The following KAT5 variants were observed in gnomAD, a reference collection of about 807,000 sequenced individuals.
KAT5 encodes the protein histone acetyltransferase KAT5.
A neutral mutation model predicts 68.1 loss-of-function variants in KAT5; 31 were observed. The ratio of observed to expected loss-of-function variants is 0.46; its 90% CI spans 0.34 to 0.61. KAT5 has a LOEUF of 0.61. Ranked by LOEUF, KAT5 falls within the 20% of genes least tolerant of loss-of-function variation. The pLI is 0.01. For synonymous variants in KAT5, 365 were observed against 292.6 expected, an observed-to-expected ratio of 1.25 and a Z score of -2.52; for missense variants, 451 against 725.5, an observed-to-expected ratio of 0.62 and a Z score of 4.35.
At chr11:65,712,530 T>C in intron 1 of KAT5, 85 bp downstream of exon 1, 1 of 1,453,876 alleles carries the variant, frequency 6.9e-7, no homozygotes, top group Non-Finnish European at 9.3e-7. Flanking sequence ...GAGGGGCGTC[T>C]GGAATTATGG....
Position 65,713,404 on chromosome 11 carries a change from C to T in KAT5, c.441C>T (p.Leu147=), listed in dbSNP as rs1364010647. Residue 147 remains leucine (L), a synonymous_variant, in exon 4 of 13, where the codon CTC becomes CTT. Coordinates refer to ENST00000341318, the MANE Select transcript of KAT5 (RefSeq NM_182710.3). ...TGCCAATCCCGGTCCAGATCACACT[C>T]CGCTTCAACCTGCCCAAGGAGCGGG... is the stretch of plus-strand genomic sequence containing the variant. ...KTLPIPVQIT[L]RFNLPKEREA... is the part of the protein sequence containing the mutation. 5 of 1,614,134 alleles carry T rather than the reference C, an allele frequency of 3.1e-6. No homozygotes were observed. Among genetic ancestry groups the T allele is most frequent in the Non-Finnish European group, 4.2e-6 (5 of 1,180,028 alleles).
At chr11:65,715,650 A>C (rs1857165769) in intron 8 of KAT5, among the ~76,000 whole-genome samples, 1 of 151,988 alleles carries the variant, frequency 6.6e-6, no homozygotes. Flanking sequence ...AATCCCAGCT[A>C]CTCGGGAGGC....
In KAT5 at chr11:65,713,444, G is replaced by T. The variant is rs1565206945; in HGVS notation, c.481G>T (p.Gly161Cys). The change falls in exon 4 of 13, where the codon GGC (glycine) becomes TGC (cysteine). Residue 161 changes from glycine (G) to cysteine (C), a missense_variant. By Grantham distance (159) the Gly-to-Cys change is radical (BLOSUM62 -3). Transcript: ENST00000341318. ...LPKEREAIPG[G>C]EPDQPLSSSS... ...CAAGGAGCGGGAGGCCATTCCCGGT[G>T]GCGAGCCTGACCAGCCGCTCTCCTC... 6.2e-7 allele frequency: 1 copy of T among 1,614,014 alleles called. No individual in the cohort carries two copies. The highest frequency in any genetic ancestry group is 8.5e-7 in the Non-Finnish European group (1 of 1,180,024).
In KAT5 at chr11:65,718,921, T is replaced by A. The variant is rs886048491; in HGVS notation, c.1473T>A (p.Thr491=). The change falls in exon 12 of 13, where the codon ACT becomes ACA. Residue 491 remains threonine, a synonymous_variant. Transcript: ENST00000341318. ...TSIKKEDVIS[T]LQYLNLINYY... ...TCAAGAAGGAGGATGTCATCTCCAC[T>A]CTGCAGTACCTCAATCTCATCAACT... is the stretch of plus-strand genomic sequence containing the variant. 1 of 1,614,156 alleles carries A rather than the reference T, an allele frequency of 6.2e-7. No individual in the cohort carries two copies.
chr11:65,719,478 G>T lies in KAT5; in HGVS notation c.*297G>T. 3.3e-6 allele frequency: 2 copies of T among 608,736 alleles called. No individual in the cohort carries two copies. The highest frequency in any genetic ancestry group is 2.0e-5 in the South Asian group (1 of 49,672). 37.7% of individuals were successfully genotyped at this position (608,736 alleles called of 1,614,324 possible). A position where few individuals can be genotyped will look rare whatever the true frequency, so the allele number is the denominator to read the frequency against. On this transcript the variant is annotated 3_prime_UTR_variant, in exon 13 of 13. Coordinates refer to ENST00000341318, the MANE Select transcript of KAT5 (RefSeq NM_182710.3). ...GATCCGGATGGGGGAGCTCTGTACAGAGGGCTGGTGATTGTAAAAATTTCT... is the reference window on the plus strand; with the variant it reads ...GATCCGGATGGGGGAGCTCTGTACATAGGGCTGGTGATTGTAAAAATTTCT...
At chr11:65,712,581 C>G (rs767550971) in intron 1 of KAT5, 136 bp downstream of exon 1, 5 of 1,240,524 alleles carry the variant, frequency 4.0e-6, no homozygotes, top group Admixed American at 2.5e-5. Context: ...GGGCGTGGCT[C>G]TTAGCTGCTC....
At chr11:65,718,419 A>G (rs1857279889) in intron 10 of KAT5, 171 bp from the exon 11 acceptor site, 2 of 683,024 alleles carry the variant, frequency 2.9e-6, no homozygotes, top group Non-Finnish European at 5.1e-6. Context: ...AAGAGTGAAT[A>G]CTCAGTTCTT....
intron 5 of KAT5, 35 bp from the exon 6 acceptor site, chr11:65,713,739 C>T (rs767640030): frequency 2.5e-6 from 4 of 1,613,520 alleles, no homozygotes; most frequent in East Asian, 2.2e-5. Context: ...AGGCTCATTT[C>T]ACAGCCATCC....
At chr11:65,716,192 G>A (rs1203934690) in intron 8 of KAT5, 4 of 164,236 alleles carry the variant, frequency 2.4e-5, no homozygotes, top group African/African-American at 9.6e-5. Context: ...TTCCCAGGAG[G>A]TGTGACTGTG....
rs1464589442 is a variant in KAT5 at position 65,719,232 on chromosome 11, A to G, written c.*51A>G. 6 of 1,595,918 alleles carry G rather than the reference A, an allele frequency of 3.8e-6. No individual in the cohort carries two copies. In the Admixed American group the frequency reaches 1.0e-4, roughly 27 times the overall value. ...AGACGGCAGCAGGACTGGGGCTGAT[A>G]GCCCACCCCGCCCCCACTGCAGCTC... On this transcript the variant is annotated 3_prime_UTR_variant, in exon 13 of 13. Transcript: ENST00000341318.
At chr11:65,718,820 C>T (rs1857297008) in intron 11 of KAT5, 53 bp from the exon 12 acceptor site, 2 of 1,612,678 alleles carry the variant, frequency 1.2e-6, no homozygotes, top group South Asian at 1.1e-5. Flanking sequence ...TCTCTCAGGG[C>T]TCCTGGGGAC....
Position 65,716,975 on chromosome 11 carries a change from C to T in KAT5, c.1257C>T (p.Ile419=), listed in dbSNP as rs757551764. 9.9e-6 allele frequency: 16 copies of T among 1,612,986 alleles called. No individual in the cohort carries two copies. The highest frequency in any genetic ancestry group is 6.6e-5 in the South Asian group (6 of 91,062). Residue 419 remains isoleucine (I), a synonymous_variant, in exon 10 of 13, where the codon ATC becomes ATT. Coordinates refer to ENST00000341318, the MANE Select transcript of KAT5 (RefSeq NM_182710.3). ...YQRRGYGKLL[I]EFSYELSKVE... ...GCCGGGGCTACGGCAAGCTGCTGAT[C>T]GAGTTCAGTGAGTATGTGTGCTGCG...
chr11:65,712,976 T>A lies in KAT5; in HGVS notation c.302T>A (p.Ile101Asn), dbSNP rs1160111465. ...CATGAGCGGCTGGACCTAAAGAAGA[T>A]CCAGTTCCCCAAGAAAGAGGCCAAG... ...VTHERLDLKK[I>N]QFPKKEAKTP... The change falls in exon 3 of 13, where the codon ATC (isoleucine) becomes AAC (asparagine). Residue 101 changes from isoleucine (I) to asparagine (N), a missense_variant. Around this residue, in one of 4 missense-constraint regions of KAT5, gnomAD observed 135 missense variants for 173.4 expected, o/e 0.78. Transcript: ENST00000341318. 6.2e-7 allele frequency: 1 copy of A among 1,614,052 alleles called. No individual in the cohort carries two copies. Among genetic ancestry groups the A allele is most frequent in the Admixed American group, 1.7e-5 (1 of 60,024 alleles).
intron 11 of KAT5, 55 bp downstream of exon 11, chr11:65,718,804 G>A: frequency 1.2e-6 from 2 of 1,613,930 alleles, no homozygotes; most frequent in Non-Finnish European, 1.7e-6. Context: ...CTGTTCCTGG[G>A]CTTTCTCTCT....
chr11:65,712,604 G>T, intron 1 of KAT5, 159 bp downstream of exon 1: 1 of 1,212,864 alleles, frequency 8.2e-7, no homozygotes, highest in Non-Finnish European at 1.2e-6. Context: ...AGAGGTACAG[G>T]GCGGGGCCTG....
chr11:65,717,065 C>T (rs1857221017), intron 10 of KAT5, 83 bp downstream of exon 10: 5 of 1,106,612 alleles, frequency 4.5e-6, no homozygotes, highest in Middle Eastern at 4.0e-4. Flanking sequence ...CTGTGATTCT[C>T]AACCCTGGCT....
Position 65,712,381 on chromosome 11 carries a change from G to A in KAT5, c.114G>A (p.Gly38=), listed in dbSNP as rs1458211514. 4.4e-6 allele frequency: 7 copies of A among 1,581,028 alleles called. No individual in the cohort carries two copies. The highest frequency in any genetic ancestry group is 6.0e-6 in the Non-Finnish European group (7 of 1,170,948). ...ADPGVALSPQ[G]EIIEGCRLPV... ...CTGGCGTCGCGCTGTCTCCCCAGGG[G>A]GAGATAATCGAGGGCTGCCGCCTAC... Residue 38 remains glycine (G), a synonymous_variant, in exon 1 of 13, where the codon GGG becomes GGA. Transcript: ENST00000341318.
At chr11:65,713,718 T>G (rs762018553) in intron 5 of KAT5, 51 bp downstream of exon 5, 6 of 1,613,636 alleles carry the variant, frequency 3.7e-6, no homozygotes, top group African/African-American at 2.7e-5. Flanking sequence ...TACTCTCTGG[T>G]GGCTTTTTTC....
In KAT5 at chr11:65,718,752, G is replaced by A; in HGVS notation, c.1424+3G>A. 1 of 1,614,174 alleles carries A rather than the reference G, an allele frequency of 6.2e-7. No individual in the cohort carries two copies. Among genetic ancestry groups the A allele is most frequent in the Non-Finnish European group, 8.5e-7 (1 of 1,180,026 alleles). On this transcript the variant is annotated splice_donor_region_variant and intron_variant, in intron 11 of 12. Coordinates refer to ENST00000341318, the MANE Select transcript of KAT5 (RefSeq NM_182710.3). The stretch of plus-strand genomic sequence containing the variant: ...GAGAGGCCACAGATCACCATCAAGT[G>A]AGCCTGGCGCTGTCTACCTGGGGGT...
Sources: gnomAD v4.1 joint callset for allele counts (sites outside exome capture counted in the v4.1 genomes callset) on GRCh38, gnomAD v4.1.1 for gene constraint, gnomAD v4.1.1 regional missense constraint, MANE v1.5 for transcripts, NCBI Gene and HGNC (gene_info 2026-07-23, HGNC 2026-07-21) for gene names.